The following PRC1 variants were observed in gnomAD, a reference collection of about 807,000 sequenced individuals.
PRC1 encodes the protein anaphase spindle elongation 1 homolog.
In PRC1, 54 loss-of-function variants were observed where a neutral mutation model predicts 91.2. That is an observed-to-expected ratio of 0.59 (90% CI 0.48 to 0.74). PRC1 has a LOEUF of 0.74. PRC1 is among the 30% of genes least tolerant of loss of function. The probability of loss-of-function intolerance (pLI) is 0.00; values close to 1 mark genes in which losing one functional copy is unlikely to be tolerated. For synonymous variants in PRC1, 275 were observed against 263.6 expected (o/e 1.04, Z -0.42); for missense variants, 727 against 746.2 (o/e 0.97, Z 0.30).
At chr15:90,987,270 GAAAACAAAAAAAGCA>G in intron 1 of PRC1, among the ~76,000 whole-genome samples, 1 of 151,928 alleles carries the variant, frequency 6.6e-6, no homozygotes, top group African/African-American at 2.4e-5. Context: ...TCTCAAAAAC[GAAAACAAAAAAAGCA>G]AAAACAAAAC....
At position 90,979,404 on chromosome 15, in the gene PRC1, C is replaced by T. The variant is rs1406015584; in HGVS notation, c.971-110G>A. 7.1e-6 allele frequency: 9 copies of T among 1,268,046 alleles called. No individual in the cohort carries two copies. The East Asian group carries it at 1.6e-4, about 23-fold the overall frequency. 78.5% of individuals were successfully genotyped at this position (1,268,046 alleles called of 1,614,324 possible). ...AAATAGATTCTTTCCTTATAGTAAA[C>T]TGATACAGGAAGAGGCGTGTGTGTG... On this transcript the variant is annotated intron_variant, in intron 7 of 14. Transcript: ENST00000394249.
rs765332130 is a variant in PRC1 at position 90,969,604 on chromosome 15, C to A, written c.1592G>T (p.Cys531Phe). ...AGTACGGGGTGTTTTCTTCCCTGAACAGGTGGAAGCAGCGACTGGCTGCAG... is the reference window on the plus strand; with the variant it reads ...AGTACGGGGTGTTTTCTTCCCTGAAAAGGTGGAAGCAGCGACTGGCTGCAG... ...SGSKPVAAST[C>F]SGKKTPRTGR... Residue 531 changes from cysteine (C) to phenylalanine (F), a missense_variant, in exon 13 of 15, where the codon TGT becomes TTT. By Grantham distance (205) the Cys-to-Phe change is radical. Transcript: ENST00000394249. The A allele has an allele frequency of 1.9e-6, 3 of 1,597,880 alleles. No individual in the cohort carries two copies. The highest frequency in any genetic ancestry group is 2.6e-6 in the Non-Finnish European group (3 of 1,172,822).
intron 13 of PRC1, 25 bp from the exon 14 acceptor site, chr15:90,969,145 TACCAAGAACTCC>T (rs749861316): frequency 1.4e-5 from 22 of 1,596,942 alleles, no homozygotes; most frequent in Non-Finnish European, 1.8e-5. Flanking sequence ...TTAAGACAAT[TACCAAGAACTCC>T]ACCAAGAGAG....
At chr15:90,983,996 G>C (rs763761605) in intron 3 of PRC1, 22 bp downstream of exon 3, 2 of 1,613,236 alleles carry the variant, frequency 1.2e-6, no homozygotes, top group Non-Finnish European at 1.7e-6. Flanking sequence ...GATCACCAGA[G>C]ACCCTGTGGG....
At chr15:90,987,109 T>TA (rs34262021) in intron 1 of PRC1, among the ~76,000 whole-genome samples, 5,441 of 124,944 alleles carry the variant, frequency 0.044, 293 homozygotes, top group African/African-American at 0.13. Context: ...CTCTGCGTCT[T>TA]AAAAAAAAAA....
In PRC1 at chr15:90,987,085, G is replaced by T. The variant is rs1054859565; in HGVS notation, c.12-2260C>A. ...GCCCAGGAGTTTCAGATCATTCTGG[G>T]CAACATAGTGAGACTCTGCGTCTTA... On this transcript the variant is annotated intron_variant, in intron 1 of 14. Coordinates refer to ENST00000394249, the MANE Select transcript of PRC1 (RefSeq NM_003981.4). 4.0e-5 allele frequency among the ~76,000 whole-genome samples: 6 copies of T among 148,748 alleles called. 1 individual carries two copies. Among genetic ancestry groups the T allele is most frequent in the Non-Finnish European group, 8.9e-5 (6 of 67,600 alleles).
At chr15:90,981,727 G>T (rs771021719) in intron 4 of PRC1, 21 bp downstream of exon 4, 1 of 1,608,246 alleles carries the variant, frequency 6.2e-7, no homozygotes, top group Non-Finnish European at 8.5e-7. Flanking sequence ...CTTTTAGGAA[G>T]AACAAATGTA....
chr15:90,990,985 G>T (rs538369759), intron 1 of PRC1, among the ~76,000 whole-genome samples: 1 of 151,394 alleles, frequency 6.6e-6, no homozygotes, highest in African/African-American at 2.4e-5. Context: ...CACCATGTTG[G>T]TCAGGCTGGT....
chr15:90,970,684 T>C (rs1339489942), intron 11 of PRC1, among the ~76,000 whole-genome samples, 170 bp from the exon 12 acceptor site: 1 of 152,188 alleles, frequency 6.6e-6, no homozygotes, highest in Non-Finnish European at 1.5e-5. Context: ...AAGTAACTTG[T>C]GAAAAATTTT....
At position 90,966,737 on chromosome 15, in the gene PRC1, G is replaced by A. The variant is rs2037525355; in HGVS notation, c.*394C>T. ...TTGAACATGCCTAAACAAAAAAGAT[G>A]TTAATTACTAGTTACAGGTATACAT... is the stretch of plus-strand genomic sequence containing the variant. On this transcript the variant is annotated 3_prime_UTR_variant, in exon 15 of 15. Transcript: ENST00000394249. The A allele has an allele frequency of 2.2e-6, 1 of 445,212 alleles. No individual in the cohort carries two copies. Among genetic ancestry groups the A allele is most frequent in the African/African-American group, 2.0e-5 (1 of 50,018 alleles). 27.6% of individuals were successfully genotyped at this position (445,212 alleles called of 1,614,324 possible). A position where few individuals can be genotyped will look rare whatever the true frequency, so the allele number is the denominator to read the frequency against.
At chr15:90,978,273 A>G (rs2038898652) in intron 8 of PRC1, among the ~76,000 whole-genome samples, 1 of 152,156 alleles carries the variant, frequency 6.6e-6, no homozygotes, top group African/African-American at 2.4e-5. Context: ...GCCTGCCCCA[A>G]CATCCATTCT....
chr15:90,972,008 A>G (rs757552776), intron 11 of PRC1, among the ~76,000 whole-genome samples: 4 of 151,752 alleles, frequency 2.6e-5, no homozygotes, highest in Non-Finnish European at 5.9e-5. Context: ...AGCCTGGGCA[A>G]CAGAGCGAGA....
rs775895312 is a variant in PRC1, at chr15:90,967,168, G to A, written c.1826C>T (p.Thr609Ile). 1.9e-6 allele frequency: 3 copies of A among 1,614,164 alleles called. No individual in the cohort carries two copies. In the Admixed American group the frequency reaches 5.0e-5, roughly 27 times the overall value. Residue 609 changes from threonine (T) to isoleucine (I), a missense_variant, in exon 15 of 15, where the codon ACT becomes ATT. Coordinates refer to ENST00000394249, the MANE Select transcript of PRC1 (RefSeq NM_003981.4). ...ELSKASKSDATSGILNSTNIQ... is the reference protein window; with the variant it reads ...ELSKASKSDAISGILNSTNIQ... ...GTTGGTTGAATTGAGGATTCCAGAAGTAGCATCAGATTTGGAAGCCTTTGA... is the reference window on the plus strand; with the variant it reads ...GTTGGTTGAATTGAGGATTCCAGAAATAGCATCAGATTTGGAAGCCTTTGA...
In PRC1 at chr15:90,981,014, T is replaced by C; in HGVS notation, c.692A>G (p.Gln231Arg). ...LLRQLEMQKS[Q>R]NEAVCEGLRT... The stretch of plus-strand genomic sequence containing the variant: ...CAGCCCCTCACACACTGCTTCATTT[T>C]GTGATTTCTGCATTTCCAGCTACAG... Residue 231 changes from glutamine to arginine, a missense_variant, in exon 6 of 15, where the codon CAA becomes CGA. Coordinates refer to ENST00000394249, the MANE Select transcript of PRC1 (RefSeq NM_003981.4). The C allele has an allele frequency of 1.2e-6, 2 of 1,614,102 alleles. No homozygotes were observed. The highest frequency in any genetic ancestry group is 2.2e-5 in the East Asian group (1 of 44,900).
intron 1 of PRC1, among the ~76,000 whole-genome samples, chr15:90,991,672 G>C (rs76276402): frequency 0.025 from 3,839 of 151,430 alleles, 167 homozygotes; most frequent in African/African-American, 0.086. Context: ...TTATATGCCC[G>C]CCATTAGCAT....
intron 14 of PRC1, chr15:90,968,703 A>G (rs2037764958): frequency 9.3e-7 from 1 of 1,073,706 alleles, no homozygotes; most frequent in Admixed American, 4.5e-5. Flanking sequence ...TAATCAGCAC[A>G]CAGGCCAAGA....
At position 90,969,560 on chromosome 15, in the gene PRC1, T is replaced by G; in HGVS notation, c.1636A>C (p.Lys546Gln). Residue 546 changes from lysine to glutamine, a missense_variant, in exon 13 of 15, where the codon AAG (lysine) becomes CAG (glutamine). Coordinates refer to ENST00000394249, the MANE Select transcript of PRC1 (RefSeq NM_003981.4). The part of the protein sequence containing the change: ...TPRTGRHGAN[K>Q]ENLELNGSIL... The stretch of plus-strand genomic sequence containing the variant: ...CTGCCGTTGAGCTCCAGGTTCTCCT[T>G]GTTGGCTCCATGCCTGCCAGTACGG... The G allele has an allele frequency of 6.2e-7, 1 of 1,613,874 alleles. No individual in the cohort carries two copies. Among genetic ancestry groups the G allele is most frequent in the Non-Finnish European group, 8.5e-7 (1 of 1,179,830 alleles).
chr15:90,968,041 C>A, intron 14 of PRC1: 3 of 985,194 alleles, frequency 3.0e-6, no homozygotes, highest in Non-Finnish European at 2.4e-6. Context: ...TTGAGAAAGA[C>A]AGATATTAGC....
rs759364501 is a variant in PRC1 at position 90,974,661 on chromosome 15, C to T, written c.1274G>A (p.Gly425Glu). ...TGCCACATACTCCATGAATTTCTGCCCATTCACCATAAATGCCTTTGAATG... is the reference window on the plus strand; with the variant it reads ...TGCCACATACTCCATGAATTTCTGCTCATTCACCATAAATGCCTTTGAATG... ...QEHSKAFMVN[G>E]QKFMEYVAEQ... is the part of the protein sequence containing the mutation. The change falls in exon 10 of 15, where the codon GGG (glycine) becomes GAG (glutamate). Residue 425 changes from glycine to glutamate, a missense_variant. Physicochemically the swap from Gly to Glu is moderately conservative, Grantham distance 98. Coordinates refer to ENST00000394249, the MANE Select transcript of PRC1 (RefSeq NM_003981.4). The surrounding 1 kb of genome is among the most constrained non-coding windows in gnomAD (Gnocchi z 4.6). 16 of 1,614,084 alleles carry T rather than the reference C, an allele frequency of 9.9e-6. No homozygotes were observed. Among genetic ancestry groups the T allele is most frequent in the African/African-American group, 6.7e-5 (5 of 74,930 alleles).
Sources: allele counts gnomAD v4.1 joint callset (sites outside exome capture counted in the v4.1 genomes callset), GRCh38; gene constraint gnomAD v4.1.1; non-coding constraint Gnocchi (gnomAD v3.1); transcripts MANE v1.5; gene names NCBI Gene and HGNC (gene_info 2026-07-23, HGNC 2026-07-21).